The following MGMT variants were observed in gnomAD, a reference collection of about 807,000 sequenced individuals.
MGMT encodes the protein O-6-methylguanine-DNA methyltransferase, also known as methylated-DNA--protein-cysteine methyltransferase.
Under a neutral mutation model 15.9 loss-of-function variants are expected in MGMT, and 14 were observed. The observed-to-expected ratio is 0.88, with a 90% confidence interval of 0.58 to 1.37. The LOEUF is 1.37. Among genes scored for constraint, MGMT ranks in the 40% most tolerant of loss-of-function variants. The pLI is 0.00. For synonymous variants in MGMT, 130 were observed against 118.2 expected, an observed-to-expected ratio of 1.10 and a Z score of -0.65; for missense variants, 282 against 268.1, an observed-to-expected ratio of 1.05 and a Z score of -0.36.
At chr10:129,698,361 A>G (rs1386285823) in intron 2 of MGMT, among the ~76,000 whole-genome samples, 1 of 152,118 alleles carries the variant, frequency 6.6e-6, no homozygotes, top group Non-Finnish European at 1.5e-5. Context: ...CTTCTTCTCT[A>G]GGGCTGGGGA....
intron 2 of MGMT, among the ~76,000 whole-genome samples, chr10:129,632,345 A>G (rs1481195710): frequency 6.6e-6 from 1 of 152,214 alleles, no homozygotes; most frequent in Non-Finnish European, 1.5e-5. Context: ...CTTAAACTGT[A>G]TCTCAGTCAT....
intron 2 of MGMT, among the ~76,000 whole-genome samples, chr10:129,541,955 C>T (rs945475373): frequency 2.6e-5 from 4 of 152,210 alleles, no homozygotes; most frequent in Non-Finnish European, 4.4e-5. Flanking sequence ...ACCTGGCTGG[C>T]TGGACAGATA....
chr10:129,693,127 G>T (rs1847988229), intron 2 of MGMT, among the ~76,000 whole-genome samples: 1 of 152,180 alleles, frequency 6.6e-6, no homozygotes, highest in Admixed American at 6.5e-5. Context: ...CCTGTCTGAT[G>T]GTCGTGTAAG....
intron 2 of MGMT, chr10:129,564,258 TCCC>T (rs1178482236): frequency 1.6e-4 from 8 of 51,056 alleles, no homozygotes; most frequent in South Asian, 1.3e-3. Flanking sequence ...CCCCTCCTCT[TCCC>T]CTTCCTCCTC....
rs1463290922 is a variant in MGMT, at chr10:129,512,083, G to A, written c.-12-24158G>A. 2.0e-5 allele frequency among the ~76,000 whole-genome samples: 3 copies of A among 152,204 alleles called. No homozygotes were observed. In the East Asian group the frequency reaches 5.8e-4, roughly 29 times the overall value. ...TTTGCTAAGTGTCTGCTCTGCAGAT[G>A]CAGGATGCTGGAGATGGGGGGCGCA... On this transcript the variant is annotated intron_variant, in intron 1 of 4. Coordinates refer to ENST00000651593, the MANE Select transcript of MGMT (RefSeq NM_002412.5).
chr10:129,482,005 G>A (rs1845363498), intron 1 of MGMT, among the ~76,000 whole-genome samples: 1 of 152,000 alleles, frequency 6.6e-6, no homozygotes, highest in Non-Finnish European at 1.5e-5. Flanking sequence ...AGATCATTTG[G>A]TTTTCCTTTC....
Position 129,475,004 on chromosome 10 carries a change from G to T in MGMT, c.-13+7708G>T, listed in dbSNP as rs185754776. 1.3e-4 allele frequency among the ~76,000 whole-genome samples: 20 copies of T among 152,172 alleles called. No homozygotes were observed. In the South Asian group the frequency reaches 1.9e-3, roughly 14 times the overall value. On this transcript the variant is annotated intron_variant, in intron 1 of 4. Coordinates refer to ENST00000651593, the MANE Select transcript of MGMT (RefSeq NM_002412.5). Reference sequence around the variant, plus strand: ...GAGGTGAAGAGCCTGGCCTTTGTTGGGGGGGGTGTTGGGGAGCTTGGTAAG... The same window carrying T: ...GAGGTGAAGAGCCTGGCCTTTGTTGTGGGGGGTGTTGGGGAGCTTGGTAAG...
rs988140856 is a variant in MGMT, at chr10:129,520,923, C to T, written c.-12-15318C>T. Among the ~76,000 whole-genome samples, 9 of 149,526 alleles carry T rather than the reference C, an allele frequency of 6.0e-5. No homozygotes were observed. The South Asian group carries it at 6.3e-4, about 11-fold the overall frequency. On this transcript the variant is annotated intron_variant, in intron 1 of 4. Coordinates refer to ENST00000651593, the MANE Select transcript of MGMT (RefSeq NM_002412.5). Reference sequence around the variant, plus strand: ...CTATGGTGTGCATACAGAACCCCTACGGTGCGGGTACACAGCCCCTAAGGT... The same window carrying T: ...CTATGGTGTGCATACAGAACCCCTATGGTGCGGGTACACAGCCCCTAAGGT...
chr10:129,739,455 A>G (rs1388301998), intron 3 of MGMT, among the ~76,000 whole-genome samples: 1 of 152,238 alleles, frequency 6.6e-6, no homozygotes, highest in East Asian at 1.9e-4. Context: ...AAATTACAGC[A>G]GAGTTCACTC....
chr10:129,765,189 A>G (rs1848919433), intron 4 of MGMT, among the ~76,000 whole-genome samples: 1 of 151,442 alleles, frequency 6.6e-6, no homozygotes, highest in African/African-American at 2.4e-5. Flanking sequence ...CCACCCATAC[A>G]CCTGCTCCCC....
rs914354668 is a variant in MGMT at position 129,659,781 on chromosome 10, A to G, written c.126-48114A>G. 6.6e-6 allele frequency among the ~76,000 whole-genome samples: 1 copy of G among 152,224 alleles called. No homozygotes were observed. ...TATAGACTGACACGAAAACAGAAGT[A>G]AAAGTCTAAATTGAACCAAAGTCCT... On this transcript the variant is annotated intron_variant, in intron 2 of 4. Coordinates refer to ENST00000651593, the MANE Select transcript of MGMT (RefSeq NM_002412.5). This position sits in a 1 kb window ranked among gnomAD's most constrained non-coding sequence, Gnocchi z 4.1.
intron 2 of MGMT, among the ~76,000 whole-genome samples, chr10:129,655,043 A>G (rs1847508626): frequency 6.6e-6 from 1 of 152,152 alleles, no homozygotes; most frequent in East Asian, 1.9e-4. Context: ...GGAGAGGGTG[A>G]CCGCTGCACC....
chr10:129,614,552 C>T (rs936905787), intron 2 of MGMT, among the ~76,000 whole-genome samples: 11 of 152,170 alleles, frequency 7.2e-5, no homozygotes, highest in Admixed American at 3.3e-4. Context: ...GGACAGCTTT[C>T]GCTTCTTTGG....
intron 2 of MGMT, among the ~76,000 whole-genome samples, chr10:129,581,417 C>T (rs1221800753): frequency 1.3e-5 from 2 of 152,160 alleles, no homozygotes; most frequent in South Asian, 2.1e-4. Context: ...GTCTTTCTGA[C>T]CCCACATCAT....
In MGMT at chr10:129,520,994, C is replaced by T. The variant is rs575439443; in HGVS notation, c.-12-15247C>T. On this transcript the variant is annotated intron_variant, in intron 1 of 4. Transcript: ENST00000651593. ...GTGAGGGTGCAGAGCCCCTACGGTG[C>T]GCGTACGGGGCCCCTACGGCACGCA... 3.2e-3 allele frequency among the ~76,000 whole-genome samples: 482 copies of T among 152,076 alleles called. 1 individual carries two copies. Among genetic ancestry groups the T allele is most frequent in the African/African-American group, 0.011 (454 of 41,438 alleles).
At chr10:129,475,286 C>G (rs1470636609) in intron 1 of MGMT, among the ~76,000 whole-genome samples, 1 of 152,030 alleles carries the variant, frequency 6.6e-6, no homozygotes, top group Non-Finnish European at 1.5e-5. Context: ...GGGTCTCAGC[C>G]TCCTGCAGTT....
At chr10:129,733,261 G>A (rs1161352241) in intron 3 of MGMT, among the ~76,000 whole-genome samples, 2 of 146,614 alleles carry the variant, frequency 1.4e-5, no homozygotes, top group African/African-American at 5.0e-5. Flanking sequence ...TAACTGGTGT[G>A]AGACGGTATC....
chr10:129,737,921 G>C (rs1323131128), intron 3 of MGMT, among the ~76,000 whole-genome samples: 4 of 152,312 alleles, frequency 2.6e-5, no homozygotes, highest in East Asian at 1.9e-4. Flanking sequence ...TCTCAGATCT[G>C]TAGCTGCGTG....
chr10:129,536,502 C>A, intron 2 of MGMT, 125 bp downstream of exon 2: 1 of 1,212,538 alleles, frequency 8.2e-7, no homozygotes, highest in Non-Finnish European at 1.1e-6. Context: ...CAACCGCAAC[C>A]ACGAGTCCGT....
Sources: allele counts gnomAD v4.1 joint callset (sites outside exome capture counted in the v4.1 genomes callset), GRCh38; gene constraint gnomAD v4.1.1; non-coding constraint Gnocchi (gnomAD v3.1); transcripts MANE v1.5; gene names NCBI Gene and HGNC (gene_info 2026-07-23, HGNC 2026-07-21).